The following KLF16 variants were observed in gnomAD, a reference collection of about 807,000 sequenced individuals.
KLF16 encodes the protein Krueppel-like factor 16.
In KLF16, 6 loss-of-function variants were observed where a neutral mutation model predicts 6.1. The observed-to-expected ratio is 0.98, with a 90% CI of 0.54 to 1.93. KLF16 has a LOEUF of 1.93. Among genes scored for constraint, KLF16 ranks in the 30% most tolerant of loss-of-function variants. The pLI is 0.01. For missense variants in KLF16, 355 were observed against 363.8 expected, an observed-to-expected ratio of 0.98 and a Z score of 0.20; for synonymous variants, 211 against 176.5, an observed-to-expected ratio of 1.20 and a Z score of -1.55.
chr19:1,871,262 A>G, the KLF16 span, among the ~76,000 whole-genome samples: 1 of 152,188 alleles, frequency 6.6e-6, no homozygotes, highest in African/African-American at 2.4e-5. Flanking sequence ...CAGGCTGTTT[A>G]TTCACGGATG....
Position 1,854,517 on chromosome 19 carries a change from C to T in KLF16, c.701G>A (p.Ser234Asn). ...STSPSDSLPC[S>N]LAGSPAPSPA... is the part of the protein sequence containing the mutation. ...GCTGGGCGCAGGGCTCCCGGCCAGGCTGCAGGGCAGCGAGTCGCTGGGGGA... is the reference window on the plus strand; with the variant it reads ...GCTGGGCGCAGGGCTCCCGGCCAGGTTGCAGGGCAGCGAGTCGCTGGGGGA... The change falls in exon 2 of 2, where the codon AGC becomes AAC. Residue 234 changes from serine (S) to asparagine (N), a missense_variant. Transcript: ENST00000250916. 1.3e-6 allele frequency: 2 copies of T among 1,503,404 alleles called. No homozygotes were observed. The highest frequency in any genetic ancestry group is 1.8e-6 in the Non-Finnish European group (2 of 1,135,024). 93.1% of individuals were successfully genotyped at this position (1,503,404 alleles called of 1,614,324 possible).
upstream of KLF16, among the ~76,000 whole-genome samples, chr19:1,863,768 C>T (rs2012128392): frequency 6.9e-6 from 1 of 144,092 alleles, no homozygotes; most frequent in Non-Finnish European, 1.5e-5. Context: ...GCGCCCTCCA[C>T]CACTCTCCGA....
At chr19:1,862,742 C>G in intron 1 of KLF16, 1 of 360,750 alleles carries the variant, frequency 2.8e-6, no homozygotes, top group Non-Finnish European at 4.9e-6. Flanking sequence ...GGAACAAGGC[C>G]CAGAAAGGGA....
the KLF16 span, chr19:1,874,762 A>G: frequency 1.3e-5 from 2 of 148,574 alleles, no homozygotes; most frequent in African/African-American, 4.9e-5. Flanking sequence ...AAAAAAAAAA[A>G]AAAAAAAAAA....
At chr19:1,856,348 G>A (rs938856673) in intron 1 of KLF16, among the ~76,000 whole-genome samples, 4 of 152,136 alleles carry the variant, frequency 2.6e-5, no homozygotes, top group Non-Finnish European at 4.4e-5. Context: ...AGAGCTGGAA[G>A]AAAAAACCTT....
chr19:1,863,173 ACGAGGCGGCTGAGGAGGAGGAGGCGGG>A lies in KLF16; in HGVS notation c.298_324del (p.Pro100_Ser108del). The stretch of plus-strand genomic sequence containing the variant: ...CCGGGGGCGCGGCCCGAGGACGGGG[ACGAGGCGGCTGAGGAGGAGGAGGCGGG>A]CGAGGCGCCCCCCGGGGCGGCTCCG... On this transcript the variant is annotated inframe_deletion, in exon 1 of 2. Transcript: ENST00000250916. 8.0e-7 allele frequency: 1 copy of A among 1,245,188 alleles called. No homozygotes were observed. The highest frequency in any genetic ancestry group is 1.0e-6 in the Non-Finnish European group (1 of 979,962). The allele number at this position is 1,245,188 out of a possible 1,614,324, so 77.1% of individuals were successfully genotyped here.
Position 1,863,022 on chromosome 19 carries a change from G to T in KLF16, c.457+19C>A. 6 of 1,300,362 alleles carry T rather than the reference G, an allele frequency of 4.6e-6. No individual in the cohort carries two copies. Among genetic ancestry groups the T allele is most frequent in the South Asian group, 1.7e-5 (1 of 57,268 alleles). 80.6% of individuals were successfully genotyped at this position (1,300,362 alleles called of 1,614,324 possible). On this transcript the variant is annotated intron_variant, in intron 1 of 1. Transcript: ENST00000250916. Reference sequence around the variant, plus strand: ...CAGGCGGCCGCCCCCGCAAGGGCCGGGATCGCGGCTGCACTCACCTGTGTG... The same window carrying T: ...CAGGCGGCCGCCCCCGCAAGGGCCGTGATCGCGGCTGCACTCACCTGTGTG...
the KLF16 span, chr19:1,875,278 A>G: frequency 6.6e-6 from 1 of 152,374 alleles, no homozygotes; most frequent in South Asian, 2.1e-4. Flanking sequence ...AAATTTCTAC[A>G]GGAAAGGGGA....
At chr19:1,869,361 T>C in the KLF16 span, among the ~76,000 whole-genome samples, 1 of 152,022 alleles carries the variant, frequency 6.6e-6, no homozygotes, top group Non-Finnish European at 1.5e-5. Flanking sequence ...GCGCCTGTAA[T>C]CCCAGCTACT....
Position 1,854,121 on chromosome 19 carries a change from C to A in KLF16, c.*338G>T. The A allele has an allele frequency of 3.6e-6, 1 of 274,596 alleles. No homozygotes were observed. The highest frequency in any genetic ancestry group is 6.7e-6 in the Non-Finnish European group (1 of 148,530). 17.0% of individuals were successfully genotyped at this position (274,596 alleles called of 1,614,324 possible). On this transcript the variant is annotated 3_prime_UTR_variant, in exon 2 of 2. Transcript: ENST00000250916. Reference sequence around the variant, plus strand: ...CGGCTCCCAGAAGTCCACTCCACCCCCCCAAACCCCACCCCGGGAGGGGGG... The same window carrying A: ...CGGCTCCCAGAAGTCCACTCCACCCACCCAAACCCCACCCCGGGAGGGGGG...
At chr19:1,866,196 T>C (rs2012185868), upstream of KLF16, among the ~76,000 whole-genome samples, 1 of 151,936 alleles carries the variant, frequency 6.6e-6, no homozygotes, top group Admixed American at 6.6e-5. Flanking sequence ...TAATCCCAGC[T>C]ACTCAGAAGG....
At chr19:1,855,589 C>T (rs2011933671) in intron 1 of KLF16, among the ~76,000 whole-genome samples, 1 of 152,236 alleles carries the variant, frequency 6.6e-6, no homozygotes, top group African/African-American at 2.4e-5. Context: ...CCTAACCAGC[C>T]GTCACCATCT....
At chr19:1,867,927 C>CAT (rs2012212490), upstream of KLF16, among the ~76,000 whole-genome samples, 1 of 147,866 alleles carries the variant, frequency 6.8e-6, no homozygotes, top group African/African-American at 2.5e-5. Flanking sequence ...TATGTAAGGA[C>CAT]GTGTGTGTGT....
the KLF16 span, among the ~76,000 whole-genome samples, chr19:1,873,565 A>G: frequency 3.9e-5 from 6 of 152,204 alleles, no homozygotes; most frequent in African/African-American, 1.4e-4. Context: ...CCAGAGACTC[A>G]GCCCCCAGGC....
chr19:1,854,786 G>T (rs1434323307), intron 1 of KLF16, 26 bp from the exon 2 acceptor site: 2 of 1,594,830 alleles, frequency 1.3e-6, no homozygotes, highest in East Asian at 2.2e-5. Flanking sequence ...GAGACAGACA[G>T]CGGGTCAGCG....
rs988717146 is a variant in KLF16 at position 1,854,195 on chromosome 19, G to T, written c.*264C>A. 7.4e-6 allele frequency: 3 copies of T among 403,916 alleles called. No homozygotes were observed. Among genetic ancestry groups the T allele is most frequent in the Admixed American group, 9.2e-5 (2 of 21,714 alleles). 25.0% of individuals were successfully genotyped at this position (403,916 alleles called of 1,614,324 possible). On this transcript the variant is annotated 3_prime_UTR_variant, in exon 2 of 2. Transcript: ENST00000250916. The stretch of plus-strand genomic sequence containing the variant: ...AGGGGAGGACCTCCTAGCTGCCCTG[G>T]GGGGGCCCCGTTGCACAGATGGGAA...
the KLF16 span, chr19:1,876,040 G>A: frequency 6.6e-6 from 1 of 152,292 alleles, no homozygotes; most frequent in African/African-American, 2.4e-5. Flanking sequence ...GGGAAGGAGT[G>A]AGAGCGGCCG....
chr19:1,863,424 A>G lies in KLF16; in HGVS notation c.74T>C (p.Val25Ala). 9.8e-7 allele frequency: 1 copy of G among 1,018,000 alleles called. No individual in the cohort carries two copies. The allele number at this position is 1,018,000 out of a possible 1,614,324, so 63.1% of individuals were successfully genotyped here. A position where few individuals can be genotyped will look rare whatever the true frequency, so the allele number is the denominator to read the frequency against. Residue 25 changes from valine to alanine, a missense_variant, in exon 1 of 2, where the codon GTG (valine) becomes GCG (alanine). By Grantham distance (64) the Val-to-Ala change is moderately conservative. Transcript: ENST00000250916. ...CTCGGGGCCGGGCCGCCCGCGGTGC[A>G]CCACGGCGCCCGAAGAGATGGCCAT... ...VLMAISSGAVVHRGRPGPEGA... is the reference protein window; with the variant it reads ...VLMAISSGAVAHRGRPGPEGA...
chr19:1,863,049 G>T lies in KLF16; in HGVS notation c.449C>A (p.Thr150Lys), dbSNP rs200409026. 7.2e-7 allele frequency: 1 copy of T among 1,397,618 alleles called. No individual in the cohort carries two copies. The highest frequency in any genetic ancestry group is 9.5e-7 in the Non-Finnish European group (1 of 1,056,370). 86.6% of individuals were successfully genotyped at this position (1,397,618 alleles called of 1,614,324 possible). ...KSSHLKSHLR[T>K]HTGERPFACD... Reference sequence around the variant, plus strand: ...ATCGCGGCTGCACTCACCTGTGTGCGTCCGCAGGTGCGACTTTAGGTGCGA... The same window carrying T: ...ATCGCGGCTGCACTCACCTGTGTGCTTCCGCAGGTGCGACTTTAGGTGCGA... Residue 150 changes from threonine to lysine, a missense_variant, in exon 1 of 2, where the codon ACG (threonine) becomes AAG (lysine). Physicochemically the swap from Thr to Lys is moderately conservative, Grantham distance 78. Coordinates refer to ENST00000250916, the MANE Select transcript of KLF16 (RefSeq NM_031918.4).
Sources: allele counts gnomAD v4.1 joint callset (sites outside exome capture counted in the v4.1 genomes callset), GRCh38; gene constraint gnomAD v4.1.1; transcripts MANE v1.5; gene names NCBI Gene and HGNC (gene_info 2026-07-23, HGNC 2026-07-21).